CCDC171: variants seen among roughly 807,000 people sequenced by gnomAD.
The protein encoded by CCDC171 is coiled-coil domain-containing protein 171.
A neutral mutation model predicts 168.2 loss-of-function variants in CCDC171; 177 were observed. The observed-to-expected ratio is 1.05, with a 90% CI of 0.93 to 1.19. The LOEUF (loss-of-function observed/expected upper bound fraction) is 1.19. Ranked by LOEUF, CCDC171 falls within the 50% of genes most tolerant of loss-of-function variation. The pLI is 0.00. For synonymous variants in CCDC171, 687 were observed against 540.8 expected (o/e 1.27, Z -3.75); for missense variants, 1,991 against 1,539.0 (o/e 1.29, Z -4.91).
In CCDC171 at chr9:15,865,344, T is replaced by C. The variant is rs543154368; in HGVS notation, c.3469-9188T>C. ...ACAAATATACATACATACATACATATATATACACACACACATATATATATG... is the reference window on the plus strand; with the variant it reads ...ACAAATATACATACATACATACATACATATACACACACACATATATATATG... On this transcript the variant is annotated intron_variant, in intron 23 of 25. Transcript: ENST00000380701. 1.1e-3 allele frequency among the ~76,000 whole-genome samples: 165 copies of C among 150,920 alleles called. 1 individual carries two copies. Among genetic ancestry groups the C allele is most frequent in the African/African-American group, 3.8e-3 (154 of 40,906 alleles).
rs559759718 is a variant in CCDC171, at chr9:15,973,325, T to C, written c.*1489T>C. 6.8e-6 allele frequency: 1 copy of C among 147,786 alleles called. No individual in the cohort carries two copies. The highest frequency in any genetic ancestry group is 2.2e-4 in the South Asian group (1 of 4,562). 9.2% of individuals were successfully genotyped at this position (147,786 alleles called of 1,614,324 possible). A position where few individuals can be genotyped will look rare whatever the true frequency, so the allele number is the denominator to read the frequency against. ...ATGTATTACAGAAGTTTTTTTGTCT[T>C]ATCTTTACAGTGACATTTGATTCAA... is the stretch of plus-strand genomic sequence containing the variant. On this transcript the variant is annotated 3_prime_UTR_variant, in exon 26 of 26. Transcript: ENST00000380701.
the CCDC171 span, among the ~76,000 whole-genome samples, chr9:16,108,095 C>T: frequency 5.9e-5 from 9 of 152,196 alleles, no homozygotes; most frequent in Admixed American, 2.6e-4. Context: ...TTTCAGAAGC[C>T]GGAAGAAAGT....
chr9:15,585,423 G>A (rs997759891), intron 4 of CCDC171, among the ~76,000 whole-genome samples: 10 of 152,286 alleles, frequency 6.6e-5, no homozygotes, highest in Admixed American at 4.6e-4. Context: ...AACCACTAAC[G>A]TATGCGGTAA....
At chr9:15,752,281 T>C (rs937372725) in intron 18 of CCDC171, among the ~76,000 whole-genome samples, 9 of 152,120 alleles carry the variant, frequency 5.9e-5, no homozygotes, top group Non-Finnish European at 1.5e-5. Context: ...TGTGGAGAAA[T>C]AGGTACGCTG....
At chr9:15,844,163 C>T (rs182936248) in intron 21 of CCDC171, among the ~76,000 whole-genome samples, 107 of 152,118 alleles carry the variant, frequency 7.0e-4, no homozygotes, top group African/African-American at 2.4e-3. Flanking sequence ...CCTAGAGGCG[C>T]GCCCTCTTGG....
At chr9:15,935,831 A>T (rs1475417012) in intron 25 of CCDC171, among the ~76,000 whole-genome samples, 1 of 152,114 alleles carries the variant, frequency 6.6e-6, no homozygotes, top group Non-Finnish European at 1.5e-5. Flanking sequence ...TGTTGCCTAT[A>T]AGGCAAAAGC....
intron 6 of CCDC171, among the ~76,000 whole-genome samples, chr9:16,033,296 A>G (rs552187747): frequency 2.0e-5 from 3 of 152,344 alleles, no homozygotes; most frequent in Admixed American, 6.5e-5. Context: ...AATGGGCTGC[A>G]CAACAGGAGG....
intron 8 of CCDC171, among the ~76,000 whole-genome samples, chr9:16,037,421 C>G (rs181186234): frequency 3.3e-5 from 5 of 152,260 alleles, no homozygotes; most frequent in Admixed American, 3.3e-4. Context: ...AGAGAAAGCT[C>G]CACTGAAGAT....
At chr9:15,751,361 T>G (rs538000450) in intron 18 of CCDC171, among the ~76,000 whole-genome samples, 2 of 152,276 alleles carry the variant, frequency 1.3e-5, no homozygotes, top group South Asian at 2.1e-4. Flanking sequence ...CAAAATAATT[T>G]ATAGATTCAG....
At chr9:16,105,754 G>T in the CCDC171 span, among the ~76,000 whole-genome samples, 2 of 152,122 alleles carry the variant, frequency 1.3e-5, no homozygotes, top group Non-Finnish European at 2.9e-5. Context: ...ATGCTACATT[G>T]GCCAGTTGCT....
chr9:16,042,635 TGA>T (rs1363291667), upstream of CCDC171, among the ~76,000 whole-genome samples: 2 of 152,148 alleles, frequency 1.3e-5, no homozygotes, highest in Non-Finnish European at 1.5e-5. Flanking sequence ...ACAGATTTTT[TGA>T]ATGAGTGCCA....
intron 3 of CCDC171, among the ~76,000 whole-genome samples, chr9:15,985,604 G>A (rs1289784085): frequency 6.6e-6 from 1 of 152,174 alleles, no homozygotes; most frequent in Non-Finnish European, 1.5e-5. Context: ...GGCAGCAATG[G>A]AATGGCAGAT....
At chr9:16,042,354 G>A (rs982962361), upstream of CCDC171, among the ~76,000 whole-genome samples, 3 of 152,226 alleles carry the variant, frequency 2.0e-5, no homozygotes, top group Admixed American at 6.5e-5. Context: ...TGGCCTGAGA[G>A]AAGAGGGCCC....
intron 24 of CCDC171, among the ~76,000 whole-genome samples, chr9:15,906,642 T>C (rs1205729388): frequency 6.6e-6 from 1 of 152,154 alleles, no homozygotes; most frequent in Non-Finnish European, 1.5e-5. Context: ...TCACCACTCC[T>C]ATTCAACATA....
At chr9:16,078,105 A>C in the CCDC171 span, among the ~76,000 whole-genome samples, 47 of 149,512 alleles carry the variant, frequency 3.1e-4, no homozygotes, top group South Asian at 9.6e-3. Context: ...CACACTCACA[A>C]AGGTGAGGGA....
chr9:15,756,588 T>G (rs1393859448), intron 18 of CCDC171, among the ~76,000 whole-genome samples: 1 of 152,190 alleles, frequency 6.6e-6, no homozygotes, highest in Non-Finnish European at 1.5e-5. Context: ...TTTTTGTCCA[T>G]GTATACCCAA....
At chr9:15,924,343 T>C (rs985685421) in intron 25 of CCDC171, among the ~76,000 whole-genome samples, 1 of 151,292 alleles carries the variant, frequency 6.6e-6, no homozygotes, top group African/African-American at 2.4e-5. Context: ...AGGGCTTTCA[T>C]CTGTAAAATG....
At position 15,602,647 on chromosome 9, in the gene CCDC171, C is replaced by CTTTTTTTTTTTTTTTTTTTTTTT. The variant is rs1161286304; in HGVS notation, c.675+8479_675+8501dup. On this transcript the variant is annotated intron_variant, in intron 6 of 25. Coordinates refer to ENST00000380701, the MANE Select transcript of CCDC171 (RefSeq NM_173550.4). ...TTTCTCATTTCTTTTTTTTTTTTTT[C>CTTTTTTTTTTTTTTTTTTTTTTT]TTTTTTTTTTTTTTTTTTTTTTTTT... Among the ~76,000 whole-genome samples, 126 of 30,456 alleles carry CTTTTTTTTTTTTTTTTTTTTTTT rather than the reference C, an allele frequency of 4.1e-3. 14 individuals are homozygous for CTTTTTTTTTTTTTTTTTTTTTTT. The highest frequency in any genetic ancestry group is 8.9e-3 in the South Asian group (6 of 676). The allele number at this position is 30,456 out of a possible 152,430, so 20.0% of individuals were successfully genotyped here.
At chr9:15,607,144 G>C (rs1356912603) in intron 6 of CCDC171, among the ~76,000 whole-genome samples, 1 of 152,038 alleles carries the variant, frequency 6.6e-6, no homozygotes, top group African/African-American at 2.4e-5. Flanking sequence ...AACCCCCCCA[G>C]GGATTTATAT....
Sources: allele counts gnomAD v4.1 joint callset (sites outside exome capture counted in the v4.1 genomes callset), GRCh38; gene constraint gnomAD v4.1.1; transcripts MANE v1.5; gene names NCBI Gene and HGNC (gene_info 2026-07-23, HGNC 2026-07-21).